Variants in RAB33A observed in about 807,000 individuals in gnomAD.
RAB33A encodes RAB33A, member RAS oncogene family, also known as ras-related protein Rab-33A.
Under a neutral mutation model 12.0 loss-of-function variants are expected in RAB33A, and 6 were observed. The observed-to-expected ratio is 0.50, with a 90% CI of 0.27 to 0.99. RAB33A has a LOEUF of 0.99. Among genes scored for constraint, RAB33A ranks in the 50% least tolerant of loss-of-function variants. The pLI, the probability that RAB33A is intolerant of heterozygous loss-of-function variation, is 0.11. For synonymous variants in RAB33A, 70 were observed against 82.4 expected, an observed-to-expected ratio of 0.85 and a Z score of 0.81; for missense variants, 109 against 192.0, an observed-to-expected ratio of 0.57 and a Z score of 2.55.
chrX:130,135,966 G>C, the RAB33A span: 8 of 1,171,966 alleles, frequency 6.8e-6, no homozygotes, highest in Non-Finnish European at 9.3e-6. Flanking sequence ...CTGTTGATGA[G>C]CTTTAGCACA....
the RAB33A span, chrX:130,147,926 T>C: frequency 8.3e-7 from 1 of 1,206,760 alleles, no homozygotes; most frequent in Non-Finnish European, 1.1e-6. Flanking sequence ...TCTCAGATGA[T>C]TCTTTGCCAC....
the RAB33A span, among the ~76,000 whole-genome samples, chrX:130,115,043 A>G: frequency 9.2e-6 from 1 of 108,807 alleles, no homozygotes; most frequent in Non-Finnish European, 1.9e-5. Context: ...GGCTCAAGCG[A>G]TTCTCTCACC....
chrX:130,116,015 TTGTTGAATAGC>T, the RAB33A span, among the ~76,000 whole-genome samples: 1 of 111,243 alleles, frequency 9.0e-6, no homozygotes, highest in Non-Finnish European at 1.9e-5. Context: ...TCTAAAAAGC[TTGTTGAATAGC>T]TGCAAAACAG....
the RAB33A span, chrX:130,130,127 G>T: frequency 1.7e-6 from 2 of 1,210,041 alleles, no homozygotes; most frequent in Admixed American, 4.4e-5. Flanking sequence ...AATTTCTGAG[G>T]CCTCGGACTC....
chrX:130,122,932 C>T, the RAB33A span, among the ~76,000 whole-genome samples: 1 of 111,042 alleles, frequency 9.0e-6, no homozygotes. Flanking sequence ...GGTCCCAGGT[C>T]CAAATGTAAC....
chrX:130,142,382 C>T, the RAB33A span, among the ~76,000 whole-genome samples: 2 of 111,123 alleles, frequency 1.8e-5, no homozygotes, highest in East Asian at 5.6e-4. Context: ...TCACGGTGTT[C>T]GCTCTCAGAT....
At chrX:130,129,639 G>A in the RAB33A span, 5 of 1,201,952 alleles carry the variant, frequency 4.2e-6, no homozygotes, top group Non-Finnish European at 5.6e-6. Flanking sequence ...CTGAGGGAGA[G>A]AGAGTAACAA....
At chrX:130,165,499 C>A in the RAB33A span, 1 of 1,049,010 alleles carries the variant, frequency 9.5e-7, no homozygotes. Context: ...GCACAGGGAG[C>A]CTAAGGCGCC....
intron 1 of RAB33A, among the ~76,000 whole-genome samples, chrX:130,179,342 C>G (rs1201339338): frequency 8.9e-6 from 1 of 111,848 alleles, no homozygotes; most frequent in Non-Finnish European, 1.9e-5. Context: ...ACCTCACACA[C>G]TCCCACCCGT....
the RAB33A span, among the ~76,000 whole-genome samples, chrX:130,143,430 T>C: frequency 9.0e-6 from 1 of 111,713 alleles, no homozygotes; most frequent in African/African-American, 3.3e-5. Flanking sequence ...AGGCTAGAAA[T>C]TAGAAAATCA....
the RAB33A span, among the ~76,000 whole-genome samples, chrX:130,117,323 C>G: frequency 8.9e-6 from 1 of 112,734 alleles, no homozygotes; most frequent in African/African-American, 3.2e-5. Context: ...TCGAGCTGGA[C>G]AGCAGCTCAG....
the RAB33A span, among the ~76,000 whole-genome samples, chrX:130,160,523 T>C: frequency 2.7e-5 from 3 of 112,279 alleles, no homozygotes; most frequent in Non-Finnish European, 5.6e-5. Flanking sequence ...GTTGAATTAA[T>C]GAAGGAAGGA....
the RAB33A span, chrX:130,133,587 G>C: frequency 5.8e-6 from 5 of 859,001 alleles, no homozygotes; most frequent in African/African-American, 4.1e-5. Flanking sequence ...CTACAGGCCA[G>C]AGTTGTACTT....
the RAB33A span, chrX:130,137,715 A>G: frequency 6.6e-6 from 7 of 1,059,887 alleles, no homozygotes; most frequent in Non-Finnish European, 8.5e-6. Context: ...TTTCCTTAAT[A>G]TTTTATTTCT....
intron 1 of RAB33A, among the ~76,000 whole-genome samples, chrX:130,172,660 G>C (rs751676352): frequency 1.9e-4 from 21 of 111,835 alleles, no homozygotes; most frequent in Non-Finnish European, 3.8e-4. Flanking sequence ...GGCATCTGTG[G>C]GTCCTAGTCT....
At chrX:130,157,768 C>T in the RAB33A span, among the ~76,000 whole-genome samples, 2 of 104,750 alleles carry the variant, frequency 1.9e-5, no homozygotes, top group Admixed American at 1.0e-4. Flanking sequence ...AGATCGAGAC[C>T]ATCCTGGCCA....
chrX:130,172,408 G>A (rs950554009), intron 1 of RAB33A, 88 bp downstream of exon 1: 2 of 1,087,230 alleles, frequency 1.8e-6, no homozygotes, highest in African/African-American at 3.7e-5. Flanking sequence ...GTCGTCCAGC[G>A]TCCAGCGCGT....
At chrX:130,165,759 C>G in the RAB33A span, 1 of 658,543 alleles carries the variant, frequency 1.5e-6, no homozygotes, top group East Asian at 3.5e-5. Context: ...TCTCTTCACA[C>G]GCACATTACG....
chrX:130,152,931 G>A, the RAB33A span, among the ~76,000 whole-genome samples: 3 of 111,697 alleles, frequency 2.7e-5, no homozygotes, highest in African/African-American at 9.8e-5. Context: ...ATGATACCTA[G>A]TAAGAGTAGT....
Sources: gnomAD v4.1 joint callset for allele counts (sites outside exome capture counted in the v4.1 genomes callset) on GRCh38, gnomAD v4.1.1 for gene constraint, MANE v1.5 for transcripts, NCBI Gene and HGNC (gene_info 2026-07-23, HGNC 2026-07-21) for gene names.